Variants in CCDC125 observed in about 807,000 individuals in gnomAD.
The protein encoded by CCDC125 is coiled-coil domain containing 125.
CCDC125 carries 43 observed loss-of-function variants against 57.4 expected under a neutral mutation model. The ratio of observed to expected loss-of-function variants is 0.75; its 90% CI spans 0.59 to 0.97. The LOEUF (loss-of-function observed/expected upper bound fraction) is 0.97, where lower values mean the gene tolerates loss of function less well. CCDC125 is among the 50% of genes least tolerant of loss of function. The pLI is 0.00. For missense variants in CCDC125, 563 were observed against 595.7 expected, an observed-to-expected ratio of 0.95 and a Z score of 0.57; for synonymous variants, 187 against 195.2, an observed-to-expected ratio of 0.96 and a Z score of 0.35.
rs1417429927 is a variant in CCDC125, at chr5:69,281,063, T to G, written c.*1666A>C. 1 of 152,248 alleles carries G rather than the reference T, an allele frequency of 6.6e-6. No individual in the cohort carries two copies. Among genetic ancestry groups the G allele is most frequent in the Non-Finnish European group, 1.5e-5 (1 of 68,062 alleles). The allele number at this position is 152,248 out of a possible 1,614,324, so 9.4% of individuals were successfully genotyped here. ...GATTCAGACCAGATCTGTAAGCCAC[T>G]GCACCCGGCCTTGATAGCCATTTGT... On this transcript the variant is annotated 3_prime_UTR_variant, in exon 12 of 12. Coordinates refer to ENST00000396496, the MANE Select transcript of CCDC125 (RefSeq NM_176816.5).
intron 8 of CCDC125, among the ~76,000 whole-genome samples, chr5:69,295,886 C>G (rs979633703): frequency 7.1e-6 from 1 of 140,778 alleles, no homozygotes; most frequent in African/African-American, 2.6e-5. Context: ...ACACTGACTT[C>G]TTTTTTTTTT....
At chr5:69,273,996 T>C in the CCDC125 span, among the ~76,000 whole-genome samples, 5 of 152,198 alleles carry the variant, frequency 3.3e-5, no homozygotes, top group African/African-American at 1.2e-4. Flanking sequence ...AAAATTTTTC[T>C]TTATTATTTT....
At chr5:69,308,145 T>C (rs1211134040) in intron 4 of CCDC125, 117 bp from the exon 5 acceptor site, 1 of 743,520 alleles carries the variant, frequency 1.3e-6, no homozygotes, top group African/African-American at 1.8e-5. Context: ...GACATAAGAA[T>C]TTCACAGTGA....
At chr5:69,303,763 A>T in intron 7 of CCDC125, 84 bp downstream of exon 7, 1 of 774,544 alleles carries the variant, frequency 1.3e-6, no homozygotes, top group South Asian at 1.6e-5. Flanking sequence ...TCTCCCCTCT[A>T]TTATACTTAA....
At chr5:69,307,158 T>A (rs892323562) in intron 5 of CCDC125, among the ~76,000 whole-genome samples, 4 of 152,158 alleles carry the variant, frequency 2.6e-5, no homozygotes, top group African/African-American at 9.7e-5. Context: ...TTTGCTGGGC[T>A]GCTACACCTA....
intron 1 of CCDC125, among the ~76,000 whole-genome samples, chr5:69,331,652 C>T (rs975782541): frequency 3.3e-5 from 5 of 152,310 alleles, no homozygotes; most frequent in African/African-American, 1.2e-4. Context: ...CCTGGATGTA[C>T]TCTGCGCTTC....
At chr5:69,332,343 TA>T (rs1364948555) in intron 1 of CCDC125, among the ~76,000 whole-genome samples, 1 of 152,234 alleles carries the variant, frequency 6.6e-6, no homozygotes, top group Non-Finnish European at 1.5e-5. Flanking sequence ...TGCTATTAAC[TA>T]AACCACAGCC....
At chr5:69,305,446 C>G (rs1283923942) in intron 6 of CCDC125, among the ~76,000 whole-genome samples, 1 of 152,128 alleles carries the variant, frequency 6.6e-6, no homozygotes, top group Non-Finnish European at 1.5e-5. Context: ...CTCCTGGCCT[C>G]AAGTGATCCA....
At chr5:69,306,265 AT>A (rs1405356289) in intron 6 of CCDC125, among the ~76,000 whole-genome samples, 19 of 152,126 alleles carry the variant, frequency 1.2e-4, no homozygotes, top group Non-Finnish European at 2.6e-4. Flanking sequence ...AATAGTTCCA[AT>A]TCTAAAATAA....
At chr5:69,276,245 T>C (rs1379491363), downstream of CCDC125, among the ~76,000 whole-genome samples, 1 of 152,104 alleles carries the variant, frequency 6.6e-6, no homozygotes, top group Non-Finnish European at 1.5e-5. Flanking sequence ...GCCAAGCTGA[T>C]CTCGAACTTC....
intron 10 of CCDC125, among the ~76,000 whole-genome samples, chr5:69,286,388 C>G (rs191134438): frequency 3.3e-5 from 5 of 151,054 alleles, no homozygotes; most frequent in African/African-American, 7.3e-5. Context: ...CCCGCCACCA[C>G]GTCCGGCTAA....
chr5:69,329,628 G>C (rs1761170409), intron 1 of CCDC125, among the ~76,000 whole-genome samples: 1 of 149,650 alleles, frequency 6.7e-6, no homozygotes, highest in Admixed American at 6.8e-5. Context: ...TCAGCCTCCT[G>C]AGTAGCTGGG....
intron 2 of CCDC125, among the ~76,000 whole-genome samples, chr5:69,315,124 T>C (rs1222282446): frequency 6.6e-6 from 1 of 151,562 alleles, no homozygotes; most frequent in Admixed American, 6.6e-5. Flanking sequence ...GGCATGGTGG[T>C]GCCTGCCTGT....
chr5:69,294,320 T>C (rs1446940671), intron 9 of CCDC125, among the ~76,000 whole-genome samples: 1 of 152,060 alleles, frequency 6.6e-6, no homozygotes, highest in African/African-American at 2.4e-5. Flanking sequence ...TTTTTTTTTT[T>C]CTTGGAGATG....
downstream of CCDC125, chr5:69,280,085 A>G (rs571694435): frequency 6.6e-6 from 1 of 152,236 alleles, no homozygotes; most frequent in East Asian, 1.9e-4. Context: ...CTCCTTCAAC[A>G]TGTGGGAATT....
chr5:69,302,220 G>C (rs1756576235), intron 7 of CCDC125, among the ~76,000 whole-genome samples: 1 of 151,768 alleles, frequency 6.6e-6, no homozygotes, highest in Non-Finnish European at 1.5e-5. Context: ...TCAGGAGTTT[G>C]AGACCAGCCT....
intron 8 of CCDC125, among the ~76,000 whole-genome samples, chr5:69,295,233 G>T (rs1252683878): frequency 1.3e-5 from 2 of 152,066 alleles, no homozygotes; most frequent in African/African-American, 4.8e-5. Flanking sequence ...TAACAATATG[G>T]TTAACGCTAA....
At chr5:69,298,769 A>T (rs1383118986) in intron 8 of CCDC125, among the ~76,000 whole-genome samples, 1 of 152,148 alleles carries the variant, frequency 6.6e-6, no homozygotes, top group East Asian at 1.9e-4. Flanking sequence ...AACTTTCTTT[A>T]AGCTGTTTCT....
At chr5:69,315,778 A>AAAG (rs1758984577) in intron 2 of CCDC125, among the ~76,000 whole-genome samples, 1 of 150,264 alleles carries the variant, frequency 6.7e-6, no homozygotes, top group South Asian at 2.1e-4. Context: ...AAAAAAAAAA[A>AAAG]GAAACCAAAA....
Sources: gnomAD v4.1 joint callset for allele counts (sites outside exome capture counted in the v4.1 genomes callset) on GRCh38, gnomAD v4.1.1 for gene constraint, MANE v1.5 for transcripts, NCBI Gene and HGNC (gene_info 2026-07-23, HGNC 2026-07-21) for gene names.